Variants in GSTA3 observed in about 807,000 individuals in gnomAD.
GSTA3 encodes glutathione S-transferase A3.
Under a neutral mutation model 23.1 loss-of-function variants are expected in GSTA3, and 16 were observed. That is an observed-to-expected ratio of 0.69 (90% CI 0.47 to 1.05). The LOEUF (loss-of-function observed/expected upper bound fraction) is 1.05, where lower values mean the gene tolerates loss of function less well. Ranked by LOEUF, GSTA3 falls within the 50% of genes least tolerant of loss-of-function variation. The pLI is 0.00. For synonymous variants in GSTA3, 122 were observed against 91.0 expected (o/e 1.34, Z -1.94); for missense variants, 319 against 263.6 (o/e 1.21, Z -1.46).
At position 52,905,870 on chromosome 6, in the gene GSTA3, T is replaced by A; in HGVS notation, c.-21-15A>T. 3.4e-6 allele frequency: 4 copies of A among 1,160,884 alleles called. No homozygotes were observed. Among genetic ancestry groups the A allele is most frequent in the South Asian group, 1.3e-5 (1 of 79,656 alleles). 71.9% of individuals were successfully genotyped at this position (1,160,884 alleles called of 1,614,324 possible). A position where few individuals can be genotyped will look rare whatever the true frequency, so the allele number is the denominator to read the frequency against. On this transcript the variant is annotated splice_polypyrimidine_tract_variant and intron_variant, in intron 1 of 6. Transcript: ENST00000211122. ...TCTTGGTTTCTCTAAAATGAATGAA[T>A]GAATGCATGAATGGATGAATGAATG... is the stretch of plus-strand genomic sequence containing the variant.
chr6:52,900,214 A>T, intron 4 of GSTA3, 139 bp from the exon 5 acceptor site: 1 of 561,876 alleles, frequency 1.8e-6, no homozygotes. Context: ...TCTAGTCATT[A>T]TGCTCTGATT....
chr6:52,908,241 G>A (rs1390484075), intron 1 of GSTA3, among the ~76,000 whole-genome samples: 2 of 151,558 alleles, frequency 1.3e-5, no homozygotes, highest in African/African-American at 2.4e-5. Flanking sequence ...ACAAACTAGG[G>A]CTGGGCATGG....
chr6:52,903,774 C>A, intron 2 of GSTA3, 47 bp from the exon 3 acceptor site: 1 of 1,128,742 alleles, frequency 8.9e-7, no homozygotes, highest in South Asian at 1.3e-5. Context: ...CGTTCCATAG[C>A]ATTACAGACT....
intron 2 of GSTA3, among the ~76,000 whole-genome samples, chr6:52,904,673 C>G (rs1033132077): frequency 6.6e-5 from 10 of 152,168 alleles, no homozygotes; most frequent in African/African-American, 2.4e-4. Flanking sequence ...CCATTACTTA[C>G]TCTGGAGGAA....
Position 52,897,827 on chromosome 6 carries a change from T to A in GSTA3, c.544A>T (p.Lys182Ter). The part of the protein sequence containing the change: ...SSLISNFPLL[K>*]ALKTRISNLP... ...CTGAGGGCTGTGAAATGGGTCACCT[T>A]CAGCAGAGGGAAGTTGGAGATAAGG... The change falls in exon 6 of 7, where the codon AAG becomes TAG. Residue 182 changes from lysine (K) to a stop codon, truncating the protein, a stop_gained and splice_region_variant. Transcript: ENST00000211122. LOFTEE classifies it low-confidence loss of function (END_TRUNC). 1 of 1,613,506 alleles carries A rather than the reference T, an allele frequency of 6.2e-7. No homozygotes were observed. Among genetic ancestry groups the A allele is most frequent in the Non-Finnish European group, 8.5e-7 (1 of 1,179,756 alleles).
chr6:52,908,901 T>C (rs1245262434), intron 1 of GSTA3, among the ~76,000 whole-genome samples: 1 of 151,786 alleles, frequency 6.6e-6, no homozygotes, highest in East Asian at 1.9e-4. Context: ...CACCCTTTGG[T>C]CCCAGATACT....
At chr6:52,897,702 C>T in intron 6 of GSTA3, 123 bp downstream of exon 6, 1 of 1,071,628 alleles carries the variant, frequency 9.3e-7, no homozygotes, top group Non-Finnish European at 1.4e-6. Flanking sequence ...ATTTTGGAGA[C>T]CTGGGGGTAC....
chr6:52,905,654 C>T (rs946057757), intron 2 of GSTA3, 94 bp downstream of exon 2: 7 of 675,428 alleles, frequency 1.0e-5, no homozygotes, highest in Non-Finnish European at 1.8e-5. Flanking sequence ...CCAAAATATT[C>T]ACAGGTCATC....
At chr6:52,900,690 T>G (rs1056314805) in intron 4 of GSTA3, among the ~76,000 whole-genome samples, 1 of 152,150 alleles carries the variant, frequency 6.6e-6, no homozygotes, top group Non-Finnish European at 1.5e-5. Flanking sequence ...GAGAAATTGG[T>G]GGAATCACTG....
intron 1 of GSTA3, among the ~76,000 whole-genome samples, chr6:52,906,554 T>G (rs528569047): frequency 6.6e-6 from 1 of 152,302 alleles, no homozygotes; most frequent in East Asian, 1.9e-4. Context: ...ACTATCTCAC[T>G]TCAAACTATA....
At chr6:52,908,669 T>TA (rs1765973980) in intron 1 of GSTA3, among the ~76,000 whole-genome samples, 1 of 151,704 alleles carries the variant, frequency 6.6e-6, no homozygotes, top group Non-Finnish European at 1.5e-5. Context: ...ACAAAAAATA[T>TA]TTTTTTTTAA....
rs201344628 is a variant in GSTA3 at position 52,902,492 on chromosome 6, G to GA, written c.140-15dup. The GA allele has an allele frequency of 5.9e-3, 9,279 of 1,580,962 alleles. 31 individuals are homozygous for GA. The highest frequency in any genetic ancestry group is 7.3e-3 in the Non-Finnish European group (8,554 of 1,166,638). Reference sequence around the variant, plus strand: ...TCAAACTCCCATCTTTAGAAAGAAGGAAAAAAAAGGAACATGAAATTTCTA... The same window carrying GA: ...TCAAACTCCCATCTTTAGAAAGAAGGAAAAAAAAAGGAACATGAAATTTCTA... On this transcript the variant is annotated splice_polypyrimidine_tract_variant and intron_variant, in intron 3 of 6. Transcript: ENST00000211122.
chr6:52,900,988 A>T (rs1765663559), intron 4 of GSTA3, among the ~76,000 whole-genome samples: 1 of 152,184 alleles, frequency 6.6e-6, no homozygotes, highest in African/African-American at 2.4e-5. Flanking sequence ...GCCTTACTTG[A>T]GACCCCACCT....
At chr6:52,905,962 A>G (rs1455025945) in intron 1 of GSTA3, 107 bp from the exon 2 acceptor site, 5 of 530,556 alleles carry the variant, frequency 9.4e-6, no homozygotes, top group East Asian at 6.9e-5. Flanking sequence ...TTCCTTCCTC[A>G]TAGCAGGATT....
intron 1 of GSTA3, among the ~76,000 whole-genome samples, chr6:52,909,054 T>C (rs1218685541): frequency 3.3e-5 from 5 of 152,196 alleles, no homozygotes; most frequent in African/African-American, 4.8e-5. Flanking sequence ...TGGTGCTCAA[T>C]CACAAAGTCA....
chr6:52,897,933 G>A lies in GSTA3; in HGVS notation c.438C>T (p.Asp146=), dbSNP rs150990083. The change falls in exon 6 of 7, where the codon GAC becomes GAT. Residue 146 remains aspartate (D), a synonymous_variant. Transcript: ENST00000211122. ...GGCTCAGCTTGTTGCCAACAAGGTA[G>A]TCTTGTCCATGGCTCTGTAACACCT... The part of the protein sequence containing the change: ...FEKVLQSHGQ[D]YLVGNKLSRA... 8.7e-6 allele frequency: 14 copies of A among 1,613,858 alleles called. No individual in the cohort carries two copies. In the African/African-American group the frequency reaches 1.5e-4, roughly 17 times the overall value.
chr6:52,908,476 C>T lies in GSTA3; in HGVS notation c.-22+1165G>A, dbSNP rs565435641. Among the ~76,000 whole-genome samples, 4 of 152,282 alleles carry T rather than the reference C, an allele frequency of 2.6e-5. No individual in the cohort carries two copies. In the South Asian group the frequency reaches 8.3e-4, roughly 32 times the overall value. On this transcript the variant is annotated intron_variant, in intron 1 of 6. Transcript: ENST00000211122. ...GCTGCAGTGAAACATGGCCACATCA[C>T]TGCATTCCAGCCTGGGTGACAGAAT...
At chr6:52,905,631 CT>C in intron 2 of GSTA3, 116 bp downstream of exon 2, 1 of 553,182 alleles carries the variant, frequency 1.8e-6, no homozygotes, top group Non-Finnish European at 3.2e-6. Flanking sequence ...ACTGGGGATG[CT>C]TTTATTTGAG....
At chr6:52,902,103 A>C (rs1190270503) in intron 4 of GSTA3, among the ~76,000 whole-genome samples, 1 of 152,152 alleles carries the variant, frequency 6.6e-6, no homozygotes, top group African/African-American at 2.4e-5. Context: ...AGTGTTTGGA[A>C]ACCTCTGTCA....
Sources: gnomAD v4.1 joint callset for allele counts (sites outside exome capture counted in the v4.1 genomes callset) on GRCh38, gnomAD v4.1.1 for gene constraint, MANE v1.5 for transcripts, NCBI Gene and HGNC (gene_info 2026-07-23, HGNC 2026-07-21) for gene names.